NPHP4: variants seen among roughly 807,000 people sequenced by gnomAD.
NPHP4 encodes the protein nephrocystin-4.
A neutral mutation model predicts 155.8 loss-of-function variants in NPHP4; 151 were observed. The observed-to-expected ratio is 0.97, with a 90% CI of 0.85 to 1.11. The LOEUF (loss-of-function observed/expected upper bound fraction) is 1.11, where lower values mean the gene tolerates loss of function less well. Ranked by LOEUF, NPHP4 falls within the 50% of genes least tolerant of loss-of-function variation. NPHP4 has a pLI of 0.00. For missense variants in NPHP4, 1,956 were observed against 1,925.7 expected (o/e 1.02, Z -0.29); for synonymous variants, 845 against 816.8 (o/e 1.03, Z -0.59).
At chr1:5,931,364 C>T (rs1283010212) in intron 10 of NPHP4, among the ~76,000 whole-genome samples, 1 of 146,174 alleles carries the variant, frequency 6.8e-6, no homozygotes, top group Non-Finnish European at 1.5e-5. Context: ...TGTATTTATA[C>T]TATACTGTAG....
In NPHP4 at chr1:5,947,975, G is replaced by A. The variant is rs192242735; in HGVS notation, c.992+95C>T. On this transcript the variant is annotated intron_variant, in intron 8 of 29. Transcript: ENST00000378156. ...AAGAAACACAAGGAAGAACTCCCAC[G>A]TGGGTGAGTCAACACCTGACATGCA... is the stretch of plus-strand genomic sequence containing the variant. 1,063 of 931,336 alleles carry A rather than the reference G, an allele frequency of 1.1e-3. 9 individuals are homozygous for A. In the African/African-American group the frequency reaches 0.014, roughly 12 times the overall value. 57.7% of individuals were successfully genotyped at this position (931,336 alleles called of 1,614,324 possible).
intron 22 of NPHP4, 115 bp downstream of exon 22, chr1:5,874,356 C>T: frequency 2.8e-6 from 3 of 1,069,702 alleles, no homozygotes; most frequent in African/African-American, 1.6e-5. Flanking sequence ...GCGGCAGCCC[C>T]AAGGCTAGTC....
chr1:5,924,708 G>A (rs1348735883), intron 11 of NPHP4, among the ~76,000 whole-genome samples: 3 of 152,120 alleles, frequency 2.0e-5, no homozygotes, highest in Non-Finnish European at 2.9e-5. Context: ...AGGCTGGAGT[G>A]CACTGGCGTA....
intron 10 of NPHP4, among the ~76,000 whole-genome samples, chr1:5,929,216 T>C (rs11578452): frequency 0.12 from 18,023 of 152,284 alleles, 1,369 homozygotes; most frequent in Non-Finnish European, 0.17. Flanking sequence ...CTCAGAATCT[T>C]TGGCATAGAC....
chr1:5,958,223 AT>A (rs1350489504), intron 6 of NPHP4, among the ~76,000 whole-genome samples: 1 of 152,342 alleles, frequency 6.6e-6, no homozygotes, highest in East Asian at 1.9e-4. Flanking sequence ...GACAAGCTGC[AT>A]TGGCACTGGC....
At chr1:5,895,868 G>A (rs1277192209) in intron 16 of NPHP4, among the ~76,000 whole-genome samples, 1 of 152,236 alleles carries the variant, frequency 6.6e-6, no homozygotes. Flanking sequence ...ACGGGCACAG[G>A]CGACATCTAT....
intron 10 of NPHP4, among the ~76,000 whole-genome samples, chr1:5,931,191 T>C (rs1225202707): frequency 2.0e-5 from 3 of 152,310 alleles, no homozygotes; most frequent in East Asian, 1.9e-4. Context: ...TAGTTGGGCT[T>C]TGTCTTTCAT....
intron 11 of NPHP4, among the ~76,000 whole-genome samples, chr1:5,927,108 A>G (rs529752259): frequency 2.0e-5 from 3 of 152,376 alleles, no homozygotes; most frequent in African/African-American, 7.2e-5. Flanking sequence ...CTGACGGCCA[A>G]TAAGAACTCT....
intron 9 of NPHP4, 114 bp downstream of exon 9, chr1:5,946,990 A>T: frequency 1.8e-6 from 2 of 1,102,942 alleles, no homozygotes; most frequent in Non-Finnish European, 1.4e-6. Flanking sequence ...TTTACTTATT[A>T]TTTATAATAA....
chr1:5,987,836 C>T (rs1226522404), intron 1 of NPHP4, among the ~76,000 whole-genome samples: 2 of 152,192 alleles, frequency 1.3e-5, no homozygotes, highest in African/African-American at 4.8e-5. Context: ...TGGCAGACAT[C>T]TTCTCAAACG....
intron 3 of NPHP4, among the ~76,000 whole-genome samples, chr1:5,976,576 G>A (rs1368484231): frequency 6.6e-6 from 1 of 152,214 alleles, no homozygotes; most frequent in African/African-American, 2.4e-5. Flanking sequence ...GGGTTCATCC[G>A]CAGTCACACT....
intron 19 of NPHP4, 90 bp from the exon 20 acceptor site, chr1:5,877,388 T>C (rs972134426): frequency 3.8e-6 from 4 of 1,058,092 alleles, no homozygotes; most frequent in East Asian, 5.5e-5. Context: ...GGACCACCTA[T>C]ATAGGGAGGG....
At chr1:5,989,293 T>A (rs1655910109) in intron 1 of NPHP4, among the ~76,000 whole-genome samples, 1 of 152,174 alleles carries the variant, frequency 6.6e-6, no homozygotes, top group Non-Finnish European at 1.5e-5. Context: ...AGCAACCAAG[T>A]CTGTGGGACT....
Position 5,905,782 on chromosome 1 carries a change from T to C in NPHP4, c.1613A>G (p.Gln538Arg). The C allele has an allele frequency of 6.2e-6, 10 of 1,604,668 alleles. No individual in the cohort carries two copies. Among genetic ancestry groups the C allele is most frequent in the Non-Finnish European group, 8.5e-6 (10 of 1,175,404 alleles). Residue 538 changes from glutamine to arginine, a missense_variant and splice_region_variant, in exon 14 of 30, where the codon CAG (glutamine) becomes CGG (arginine). Coordinates refer to ENST00000378156, the MANE Select transcript of NPHP4 (RefSeq NM_015102.5). This position sits in a 1 kb window ranked among gnomAD's most constrained non-coding sequence, Gnocchi z 4.0. ...GATACCGGCCTCCAACGGGAACTCC[T>C]GCTGAACAAAACGAGGGCTTCCAAG... The part of the protein sequence containing the change: ...HGSQASPAQA[Q>R]EFPLEAGISH...
chr1:5,945,867 G>A (rs967060897), intron 9 of NPHP4, among the ~76,000 whole-genome samples: 4 of 152,016 alleles, frequency 2.6e-5, no homozygotes, highest in South Asian at 2.1e-4. Context: ...CCTAAATTGC[G>A]TGCCACTCTG....
At chr1:5,898,184 AG>A (rs1644488300) in intron 16 of NPHP4, among the ~76,000 whole-genome samples, 1 of 152,198 alleles carries the variant, frequency 6.6e-6, no homozygotes, top group African/African-American at 2.4e-5. Context: ...CACACTGAGG[AG>A]GGCCCCCACA....
chr1:5,942,193 G>A (rs1032399679), intron 9 of NPHP4, among the ~76,000 whole-genome samples: 1 of 152,086 alleles, frequency 6.6e-6, no homozygotes, highest in Non-Finnish European at 1.5e-5. Context: ...CTATGAGGAA[G>A]CATCAGATGA....
chr1:5,908,734 T>A (rs1216500047), intron 12 of NPHP4, among the ~76,000 whole-genome samples: 1 of 152,208 alleles, frequency 6.6e-6, no homozygotes, highest in African/African-American at 2.4e-5. Context: ...CATCGGCTGC[T>A]TGGCCGACAG....
At chr1:5,956,184 G>A (rs570138038) in intron 6 of NPHP4, among the ~76,000 whole-genome samples, 1 of 152,230 alleles carries the variant, frequency 6.6e-6, no homozygotes, top group East Asian at 1.9e-4. Context: ...TCAAGAGGCA[G>A]CAACTCAGTG....
Sources: allele counts gnomAD v4.1 joint callset (sites outside exome capture counted in the v4.1 genomes callset), GRCh38; gene constraint gnomAD v4.1.1; non-coding constraint Gnocchi (gnomAD v3.1); transcripts MANE v1.5; gene names NCBI Gene and HGNC (gene_info 2026-07-23, HGNC 2026-07-21).